The following CCDC102B variants were observed in gnomAD, a reference collection of about 807,000 sequenced individuals.
The protein encoded by CCDC102B is coiled-coil domain-containing protein 102B.
A neutral mutation model predicts 57.4 loss-of-function variants in CCDC102B; 75 were observed. The observed-to-expected ratio is 1.31, with a 90% CI of 1.08 to 1.58. The LOEUF (loss-of-function observed/expected upper bound fraction) is 1.58, where lower values mean the gene tolerates loss of function less well. Ranked by LOEUF, CCDC102B falls within the 40% of genes most tolerant of loss-of-function variation. The probability of loss-of-function intolerance (pLI) is 0.00; values close to 1 mark genes in which losing one functional copy is unlikely to be tolerated. For missense variants in CCDC102B, 636 were observed against 582.6 expected, an observed-to-expected ratio of 1.09 and a Z score of -0.94; for synonymous variants, 206 against 201.9, an observed-to-expected ratio of 1.02 and a Z score of -0.17.
chr18:68,855,021 T>C (rs2038317851), intron 4 of CCDC102B, among the ~76,000 whole-genome samples: 1 of 152,210 alleles, frequency 6.6e-6, no homozygotes, highest in South Asian at 2.1e-4. Context: ...TTCCCAAAGA[T>C]TTCAAGAATG....
At chr18:68,927,455 G>C (rs761819681) in intron 6 of CCDC102B, among the ~76,000 whole-genome samples, 32 of 151,950 alleles carry the variant, frequency 2.1e-4, no homozygotes, top group Non-Finnish European at 3.7e-4. Context: ...ACAGTCAATA[G>C]TTTTTACCTC....
chr18:68,874,159 AGTGTGTGTGTATGTGTGTGTGTGTGT>A (rs1169863118), intron 4 of CCDC102B, among the ~76,000 whole-genome samples: 1 of 124,194 alleles, frequency 8.1e-6, no homozygotes, highest in East Asian at 2.4e-4. Flanking sequence ...CAGCCCAAGC[AGTGTGTGTGTATGTGTGTGTGTGTGT>A]GTGTGTGTGT....
In CCDC102B at chr18:69,011,556, A is replaced by G. The variant is rs183546969; in HGVS notation, c.1434+452A>G. ...TTTTGTTTTGTTAGGTCAACTCAAT[A>G]ATGGTTTATAGAATATTTTAGAAAT... is the stretch of plus-strand genomic sequence containing the variant. On this transcript the variant is annotated intron_variant, in intron 7 of 7. Transcript: ENST00000360242. 2.1e-4 allele frequency among the ~76,000 whole-genome samples: 32 copies of G among 151,870 alleles called. 1 individual carries two copies. In the East Asian group the frequency reaches 4.5e-3, roughly 21 times the overall value.
intron 7 of CCDC102B, among the ~76,000 whole-genome samples, chr18:69,026,563 G>C (rs1389280689): frequency 6.6e-6 from 1 of 151,658 alleles, no homozygotes; most frequent in Non-Finnish European, 1.5e-5. Flanking sequence ...GGCACACAGA[G>C]AGAGGATCAA....
intron 6 of CCDC102B, among the ~76,000 whole-genome samples, chr18:68,944,853 A>T (rs968504007): frequency 1.3e-5 from 2 of 152,018 alleles, no homozygotes; most frequent in African/African-American, 4.8e-5. Flanking sequence ...CCTCATCAAG[A>T]TGCTTTCCTA....
At chr18:68,921,051 G>T (rs2041260780) in intron 6 of CCDC102B, among the ~76,000 whole-genome samples, 1 of 152,148 alleles carries the variant, frequency 6.6e-6, no homozygotes, top group African/African-American at 2.4e-5. Context: ...TTGTAAAAGT[G>T]TCATGCCCTG....
chr18:68,942,974 T>A (rs1477501010), intron 6 of CCDC102B, among the ~76,000 whole-genome samples: 1 of 132,672 alleles, frequency 7.5e-6, no homozygotes, highest in Non-Finnish European at 1.7e-5. Context: ...TACTTGAGAG[T>A]AGGGAGTGGT....
chr18:69,054,236 T>C lies in CCDC102B; in HGVS notation c.*99T>C. On this transcript the variant is annotated 3_prime_UTR_variant, in exon 8 of 8. Coordinates refer to ENST00000360242, the MANE Select transcript of CCDC102B (RefSeq NM_024781.3). Reference sequence around the variant, plus strand: ...TAAAATTGTTTTTATTAACTAGAAATATTAATGAAAAAAACGTAGACAATA... The same window carrying C: ...TAAAATTGTTTTTATTAACTAGAAACATTAATGAAAAAAACGTAGACAATA... 7.2e-7 allele frequency: 1 copy of C among 1,385,486 alleles called. No individual in the cohort carries two copies. The highest frequency in any genetic ancestry group is 3.2e-5 in the Admixed American group (1 of 31,114). 85.8% of individuals were successfully genotyped at this position (1,385,486 alleles called of 1,614,324 possible). A position where few individuals can be genotyped will look rare whatever the true frequency, so the allele number is the denominator to read the frequency against.
At chr18:68,716,510 TA>T (rs2032005870) in intron 1 of CCDC102B, 2 of 152,226 alleles carry the variant, frequency 1.3e-5, no homozygotes, top group South Asian at 2.1e-4. Context: ...ACTGAATATT[TA>T]TTTTTTTTAA....
chr18:68,755,789 A>G (rs895137707), intron 2 of CCDC102B, among the ~76,000 whole-genome samples: 3 of 151,626 alleles, frequency 2.0e-5, no homozygotes, highest in Non-Finnish European at 4.4e-5. Context: ...TTCAATAACC[A>G]TAGAAAAACC....
chr18:68,938,372 T>G (rs1330802892), intron 6 of CCDC102B, among the ~76,000 whole-genome samples: 2 of 152,034 alleles, frequency 1.3e-5, no homozygotes, highest in East Asian at 3.9e-4. Context: ...TTTTAGTACT[T>G]TTGATAGCAC....
intron 2 of CCDC102B, among the ~76,000 whole-genome samples, chr18:68,743,412 A>AAACCAACC (rs529918855): frequency 6.6e-6 from 1 of 151,962 alleles, no homozygotes; most frequent in Admixed American, 6.6e-5. Context: ...TCCATCTCAA[A>AAACCAACC]AACCAACCAA....
intron 6 of CCDC102B, among the ~76,000 whole-genome samples, chr18:68,935,902 C>G (rs971983411): frequency 2.0e-5 from 3 of 151,870 alleles, no homozygotes; most frequent in Non-Finnish European, 4.4e-5. Flanking sequence ...GGTTCCCACT[C>G]TCCTCCTCAT....
At chr18:68,764,016 A>G (rs1259840995) in intron 2 of CCDC102B, among the ~76,000 whole-genome samples, 3 of 152,062 alleles carry the variant, frequency 2.0e-5, no homozygotes, top group Non-Finnish European at 2.9e-5. Flanking sequence ...TTTTTTAATC[A>G]GGAAATTGAG....
intron 2 of CCDC102B, among the ~76,000 whole-genome samples, chr18:68,760,487 A>G (rs1360698268): frequency 6.6e-6 from 1 of 152,148 alleles, no homozygotes; most frequent in Non-Finnish European, 1.5e-5. Context: ...GTTATTAAAT[A>G]AACACTTTTG....
At chr18:68,887,146 T>C (rs1050495130) in intron 5 of CCDC102B, among the ~76,000 whole-genome samples, 1 of 152,150 alleles carries the variant, frequency 6.6e-6, no homozygotes, top group Non-Finnish European at 1.5e-5. Flanking sequence ...CATTGTAACC[T>C]ACTCCTTTAT....
chr18:68,930,629 T>C (rs142316520), intron 6 of CCDC102B, among the ~76,000 whole-genome samples: 1 of 152,040 alleles, frequency 6.6e-6, no homozygotes, highest in East Asian at 1.9e-4. Flanking sequence ...GAATAACTAC[T>C]ATACTCTTCA....
At chr18:69,006,690 G>A (rs550303389) in intron 6 of CCDC102B, among the ~76,000 whole-genome samples, 65 of 149,052 alleles carry the variant, frequency 4.4e-4, no homozygotes, top group Middle Eastern at 3.5e-3. Flanking sequence ...TGATCCACCC[G>A]CCTCAGCCTC....
intron 7 of CCDC102B, among the ~76,000 whole-genome samples, chr18:69,048,361 T>A (rs2052617781): frequency 6.6e-6 from 1 of 152,030 alleles, no homozygotes; most frequent in Non-Finnish European, 1.5e-5. Context: ...TATAACAGAA[T>A]GAAAATCTTT....
Sources: allele counts gnomAD v4.1 joint callset (sites outside exome capture counted in the v4.1 genomes callset), GRCh38; gene constraint gnomAD v4.1.1; transcripts MANE v1.5; gene names NCBI Gene and HGNC (gene_info 2026-07-23, HGNC 2026-07-21).